The following ZNF675 variants were observed in gnomAD, a reference collection of about 807,000 sequenced individuals.
ZNF675 encodes TRAF6 inhibitory zinc finger.
ZNF675 carries 36 observed loss-of-function variants against 56.1 expected under a neutral mutation model. That is an observed-to-expected ratio of 0.64 (90% confidence interval 0.49 to 0.85). The LOEUF (loss-of-function observed/expected upper bound fraction) is 0.85. ZNF675 is among the 40% of genes least tolerant of loss of function. The probability of loss-of-function intolerance (pLI) is 0.00; values close to 1 mark genes in which losing one functional copy is unlikely to be tolerated. For synonymous variants in ZNF675, 200 were observed against 218.9 expected (o/e 0.91, Z 0.76); for missense variants, 663 against 654.2 (o/e 1.01, Z -0.15).
chr19:23,678,279 C>A (rs1362301044), intron 1 of ZNF675, among the ~76,000 whole-genome samples: 5 of 118,426 alleles, frequency 4.2e-5, no homozygotes, highest in African/African-American at 1.3e-4. Context: ...TTTTTTTTGA[C>A]GGAGTTTGGT....
chr19:23,668,879 A>G (rs1437781119), intron 1 of ZNF675, among the ~76,000 whole-genome samples: 2 of 152,114 alleles, frequency 1.3e-5, no homozygotes, highest in Non-Finnish European at 2.9e-5. Flanking sequence ...CAAGCACCGC[A>G]CGCAGCCCCG....
intron 3 of ZNF675, chr19:23,656,617 C>G (rs8101807): frequency 1.7e-5 from 2 of 119,112 alleles, no homozygotes; most frequent in Non-Finnish European, 3.3e-5. Context: ...AAAAGGTATA[C>G]ACACACACAC....
At chr19:23,665,206 G>A (rs80312565) in intron 1 of ZNF675, among the ~76,000 whole-genome samples, 14,435 of 151,492 alleles carry the variant, frequency 0.095, 751 homozygotes, top group East Asian at 0.22. Context: ...TTAGCCAGCC[G>A]AGGTGGCACT....
At chr19:23,675,478 CA>C (rs1968283682) in intron 1 of ZNF675, among the ~76,000 whole-genome samples, 1 of 151,744 alleles carries the variant, frequency 6.6e-6, no homozygotes, top group East Asian at 1.9e-4. Context: ...TGAGCAAATT[CA>C]AAAATTTCAA....
intron 1 of ZNF675, among the ~76,000 whole-genome samples, chr19:23,683,308 A>T (rs909643511): frequency 2.6e-5 from 4 of 151,894 alleles, no homozygotes; most frequent in African/African-American, 9.7e-5. Flanking sequence ...CATAGGATAT[A>T]GAACAGATAT....
rs770523115 is a variant in ZNF675, at chr19:23,654,242, G to A, written c.691C>T (p.Gln231Ter). ...IYTCEKLYKC[Q>*]ECDRTFNQFS... Reference sequence around the variant, plus strand: ...TGGTTAAAAGTTCTGTCACATTCTTGACATTTGTAGAGTTTCTCACAAGTA... The same window carrying A: ...TGGTTAAAAGTTCTGTCACATTCTTAACATTTGTAGAGTTTCTCACAAGTA... Residue 231 changes from glutamine (Q) to a stop codon, truncating the protein, a stop_gained, in exon 4 of 4, where the codon CAA becomes TAA. Coordinates refer to ENST00000359788, the MANE Select transcript of ZNF675 (RefSeq NM_138330.3). LOFTEE classifies it high-confidence loss of function. 2.2e-5 allele frequency: 35 copies of A among 1,613,692 alleles called. No homozygotes were observed. The highest frequency in any genetic ancestry group is 3.3e-5 in the Admixed American group (2 of 59,950).
chr19:23,672,151 C>A (rs904792985), intron 1 of ZNF675, among the ~76,000 whole-genome samples: 15 of 137,060 alleles, frequency 1.1e-4, no homozygotes, highest in Admixed American at 1.0e-3. Context: ...AATTGCATGT[C>A]CTGATTAGTT....
At chr19:23,658,941 A>C (rs2075784491) in intron 3 of ZNF675, among the ~76,000 whole-genome samples, 1 of 70,162 alleles carries the variant, frequency 1.4e-5, no homozygotes, top group Non-Finnish European at 3.0e-5. Flanking sequence ...CGATCTATAG[A>C]TATAGATCTC....
chr19:23,667,347 A>G (rs1968166268), intron 1 of ZNF675, among the ~76,000 whole-genome samples: 1 of 152,074 alleles, frequency 6.6e-6, no homozygotes, highest in Non-Finnish European at 1.5e-5. Context: ...AAGCTTCCAC[A>G]CTGTGGAAGG....
rs561547367 is a variant in ZNF675, at chr19:23,681,770, T to C, written c.3+5261A>G. Among the ~76,000 whole-genome samples, 4 of 151,908 alleles carry C rather than the reference T, an allele frequency of 2.6e-5. No homozygotes were observed. In the South Asian group the frequency reaches 8.3e-4, roughly 31 times the overall value. On this transcript the variant is annotated intron_variant, in intron 1 of 3. Transcript: ENST00000359788. ...GGGACTCCCAGAACTTTCCTCAAGT[T>C]CAGTAATATAACAGAGCTATTCACA...
Position 23,654,652 on chromosome 19 carries a change from G to A in ZNF675, c.281C>T (p.Ser94Phe), listed in dbSNP as rs184143302. 3.1e-4 allele frequency: 487 copies of A among 1,594,402 alleles called. 7 individuals carry two copies. The East Asian group carries it at 0.011, about 35-fold the overall frequency. ...TCTTCTCAGTGTCACTTTTTCAAAAGAATCTTTTATGTTCTGCTCTGGCCA... is the reference window on the plus strand; with the variant it reads ...TCTTCTCAGTGTCACTTTTTCAAAAAAATCTTTTATGTTCTGCTCTGGCCA... ...EFWPEQNIKD[S>F]FEKVTLRRYE... The change falls in exon 4 of 4, where the codon TCT (serine) becomes TTT (phenylalanine). Residue 94 changes from serine (S) to phenylalanine (F), a missense_variant. This residue lies in a region of ZNF675 where 617 missense variants were observed against 590.5 expected (regional missense o/e 1.04). Coordinates refer to ENST00000359788, the MANE Select transcript of ZNF675 (RefSeq NM_138330.3).
chr19:23,661,477 G>A (rs990697759), intron 3 of ZNF675, among the ~76,000 whole-genome samples: 2 of 151,636 alleles, frequency 1.3e-5, no homozygotes, highest in African/African-American at 4.8e-5. Flanking sequence ...AATGACCTGA[G>A]GGCAGGAGTT....
chr19:23,677,068 CTG>C (rs1331848222), intron 1 of ZNF675, among the ~76,000 whole-genome samples: 2 of 124,610 alleles, frequency 1.6e-5, no homozygotes, highest in African/African-American at 6.4e-5. Context: ...CAGTGCAAGA[CTG>C]TCTCAGAAAA....
chr19:23,658,900 T>TACCG (rs1332185013), intron 3 of ZNF675, among the ~76,000 whole-genome samples: 71 of 24,180 alleles, frequency 2.9e-3, no homozygotes, highest in Non-Finnish European at 7.2e-3. Context: ...GATCTATAGA[T>TACCG]ATCTATAGAT....
intron 1 of ZNF675, among the ~76,000 whole-genome samples, chr19:23,674,134 C>A (rs889087302): frequency 8.6e-5 from 13 of 151,178 alleles, no homozygotes; most frequent in Admixed American, 7.2e-4. Flanking sequence ...ACCCGGGAGG[C>A]AGAGGTTGCA....
intron 3 of ZNF675, among the ~76,000 whole-genome samples, chr19:23,658,936 TATAG>T (rs1453654029): frequency 1.1e-4 from 12 of 108,008 alleles, no homozygotes; most frequent in African/African-American, 1.3e-4. Context: ...GATACCGATC[TATAG>T]ATATAGATCT....
At chr19:23,679,440 G>A (rs955984706) in intron 1 of ZNF675, among the ~76,000 whole-genome samples, 24 of 151,396 alleles carry the variant, frequency 1.6e-4, no homozygotes, top group African/African-American at 4.9e-4. Flanking sequence ...AACTCTGGAA[G>A]ATAACCTAGG....
At chr19:23,664,435 A>G (rs1028534546) in intron 1 of ZNF675, among the ~76,000 whole-genome samples, 1 of 151,972 alleles carries the variant, frequency 6.6e-6, no homozygotes, top group African/African-American at 2.4e-5. Context: ...GATAAAAGTA[A>G]AAGTTCCTTT....
chr19:23,676,211 G>T lies in ZNF675; in HGVS notation c.3+10820C>A, dbSNP rs573740555. Among the ~76,000 whole-genome samples, 244 of 151,620 alleles carry T rather than the reference G, an allele frequency of 1.6e-3. 4 individuals carry two copies. In the East Asian group the frequency reaches 0.016, roughly 10 times the overall value. ...AGCTCCAAAATCAAATTAATAATAAGTAGCCTACCAACCAAAAAAAGCCCA... is the reference window on the plus strand; with the variant it reads ...AGCTCCAAAATCAAATTAATAATAATTAGCCTACCAACCAAAAAAAGCCCA... On this transcript the variant is annotated intron_variant, in intron 1 of 3. Transcript: ENST00000359788.
Sources: gnomAD v4.1 joint callset for allele counts (sites outside exome capture counted in the v4.1 genomes callset) on GRCh38, gnomAD v4.1.1 for gene constraint, gnomAD v4.1.1 regional missense constraint, MANE v1.5 for transcripts, NCBI Gene and HGNC (gene_info 2026-07-23, HGNC 2026-07-21) for gene names.